Variants in MARCHF6 observed in about 807,000 individuals in gnomAD.
The protein encoded by MARCHF6 is E3 ubiquitin-protein ligase MARCHF6.
In MARCHF6, 31 loss-of-function variants were observed where a neutral mutation model predicts 133.7. That is an observed-to-expected ratio of 0.23 (90% CI 0.17 to 0.31). The LOEUF is 0.31. MARCHF6 is among the 10% of genes least tolerant of loss of function. The pLI, the probability that MARCHF6 is intolerant of heterozygous loss-of-function variation, is 1.00. For synonymous variants in MARCHF6, 395 were observed against 402.5 expected (o/e 0.98, Z 0.22); for missense variants, 723 against 1,121.6 (o/e 0.64, Z 5.08).
intron 17 of MARCHF6, among the ~76,000 whole-genome samples, chr5:10,407,705 G>A (rs1394596126): frequency 6.6e-6 from 1 of 152,138 alleles, no homozygotes; most frequent in African/African-American, 2.4e-5. Flanking sequence ...TGTAATCCCA[G>A]CACTTTGGGA....
intron 15 of MARCHF6, 102 bp downstream of exon 15, chr5:10,403,643 C>T: frequency 3.8e-6 from 4 of 1,050,292 alleles, no homozygotes; most frequent in Non-Finnish European, 5.4e-6. Context: ...CTACCTAAAT[C>T]ATATTCTCTA....
chr5:10,439,128 GGCTGT>G lies in MARCHF6; in HGVS notation c.*5447_*5451del, dbSNP rs1209645506. 1 of 152,154 alleles carries G rather than the reference GGCTGT, an allele frequency of 6.6e-6. No individual in the cohort carries two copies. The highest frequency in any genetic ancestry group is 1.5e-5 in the Non-Finnish European group (1 of 68,044). 9.4% of individuals were successfully genotyped at this position (152,154 alleles called of 1,614,324 possible). ...GTTTTTGGGATCAGTCCCTTCTGCT[GGCTGT>G]GCATTGGTCTAATGGAACAGAATAG... On this transcript the variant is annotated 3_prime_UTR_variant, in exon 26 of 26. Coordinates refer to ENST00000274140, the MANE Select transcript of MARCHF6 (RefSeq NM_005885.4).
chr5:10,400,619 G>GCT (rs1317846214), intron 10 of MARCHF6, among the ~76,000 whole-genome samples, 165 bp from the exon 11 acceptor site: 1 of 152,038 alleles, frequency 6.6e-6, no homozygotes, highest in Non-Finnish European at 1.5e-5. Context: ...TAATAGCTTT[G>GCT]TTGTTCTCTA....
At chr5:10,401,720 A>G (rs1035674374) in intron 11 of MARCHF6, 4 of 314,096 alleles carry the variant, frequency 1.3e-5, no homozygotes, top group Non-Finnish European at 2.3e-5. Context: ...TCCTGCTTTC[A>G]GTGGTTAGCC....
In MARCHF6 at chr5:10,400,848, TATAA is replaced by T; in HGVS notation, c.972+7_972+10del. The stretch of plus-strand genomic sequence containing the variant: ...GTTTGGGATTTGAAGAACACGTGAG[TATAA>T]TACTTTTACAAAGTTACTTTCATTC... On this transcript the variant is annotated splice_region_variant and intron_variant, in intron 11 of 25. Transcript: ENST00000274140. 6.3e-7 allele frequency: 1 copy of T among 1,598,104 alleles called. No homozygotes were observed. Among genetic ancestry groups the T allele is most frequent in the Non-Finnish European group, 8.6e-7 (1 of 1,165,746 alleles).
chr5:10,415,633 A>C lies in MARCHF6; in HGVS notation c.2112A>C (p.Arg704Ser), dbSNP rs775696728. ...VMVAWMPQGR[R>S]VIFQKVKEWS... ...TGGCATGGATGCCTCAGGGACGCAG[A>C]GTGATCTTCCAGAAGGTTAAAGAGT... Residue 704 changes from arginine to serine, a missense_variant, in exon 21 of 26, where the codon AGA becomes AGC. Physicochemically the swap from Arg to Ser is moderately radical, Grantham distance 110. Coordinates refer to ENST00000274140, the MANE Select transcript of MARCHF6 (RefSeq NM_005885.4). The C allele has an allele frequency of 2.2e-5, 36 of 1,613,970 alleles. No individual in the cohort carries two copies. Among genetic ancestry groups the C allele is most frequent in the Non-Finnish European group, 2.8e-5 (33 of 1,180,040 alleles).
intron 18 of MARCHF6, 134 bp from the exon 19 acceptor site, chr5:10,411,199 G>C (rs530065814): frequency 2.0e-5 from 14 of 697,274 alleles, no homozygotes; most frequent in Non-Finnish European, 3.4e-5. Flanking sequence ...CCAAAATTAG[G>C]TAATAATGTG....
chr5:10,413,975 T>C (rs1010948389), intron 19 of MARCHF6, among the ~76,000 whole-genome samples: 12 of 152,232 alleles, frequency 7.9e-5, no homozygotes, highest in Non-Finnish European at 1.6e-4. Flanking sequence ...AAAAATTTCA[T>C]TACTCATTTA....
chr5:10,365,602 A>AT (rs1386838115), intron 1 of MARCHF6, among the ~76,000 whole-genome samples: 1 of 152,062 alleles, frequency 6.6e-6, no homozygotes, highest in Non-Finnish European at 1.5e-5. Flanking sequence ...GAGAATTGGA[A>AT]TTTTTAAACT....
intron 1 of MARCHF6, among the ~76,000 whole-genome samples, chr5:10,372,525 A>AT (rs111820253): frequency 0.83 from 126,270 of 151,714 alleles, 53,733 homozygotes; most frequent in Non-Finnish European, 0.9. Flanking sequence ...CTTTAGGATT[A>AT]TTTTTTTTCC....
chr5:10,400,111 G>A (rs763754797), intron 10 of MARCHF6, among the ~76,000 whole-genome samples: 1 of 152,176 alleles, frequency 6.6e-6, no homozygotes, highest in Non-Finnish European at 1.5e-5. Context: ...ACTGGATTCA[G>A]CTGATATCAA....
intron 3 of MARCHF6, among the ~76,000 whole-genome samples, chr5:10,381,583 G>A (rs1561112845): frequency 6.6e-6 from 1 of 152,086 alleles, no homozygotes; most frequent in East Asian, 1.9e-4. Flanking sequence ...CCTGCCCAGA[G>A]GCCTTTGTTG....
At chr5:10,409,442 G>T (rs1378868198) in intron 17 of MARCHF6, among the ~76,000 whole-genome samples, 2 of 152,182 alleles carry the variant, frequency 1.3e-5, no homozygotes, top group African/African-American at 4.8e-5. Flanking sequence ...GTGGCACCCA[G>T]GTCTGTTTGA....
intron 23 of MARCHF6, 84 bp downstream of exon 23, chr5:10,423,908 TCCTAC>T (rs1342940362): frequency 1.0e-6 from 1 of 971,558 alleles, no homozygotes; most frequent in East Asian, 2.6e-5. Context: ...TTTCTTATCT[TCCTAC>T]CTTGCTGAGT....
chr5:10,364,105 T>A (rs1381974521), intron 1 of MARCHF6, among the ~76,000 whole-genome samples: 1 of 152,256 alleles, frequency 6.6e-6, no homozygotes, highest in Non-Finnish European at 1.5e-5. Context: ...TATATCTGAA[T>A]AAAATTGTTA....
chr5:10,388,710 A>G (rs976483529), intron 5 of MARCHF6, among the ~76,000 whole-genome samples: 14 of 152,134 alleles, frequency 9.2e-5, no homozygotes, highest in African/African-American at 3.4e-4. Context: ...TTTACATGGT[A>G]GTCTCAGGGC....
chr5:10,354,177 CTGCAGGCCGGCG>C (rs1429084958), intron 1 of MARCHF6, among the ~76,000 whole-genome samples: 1 of 152,034 alleles, frequency 6.6e-6, no homozygotes, highest in Admixed American at 6.5e-5. Context: ...CTCGGGGCTA[CTGCAGGCCGGCG>C]TGGCCTCCCT....
intron 4 of MARCHF6, among the ~76,000 whole-genome samples, chr5:10,385,957 C>A (rs1737441033): frequency 6.6e-6 from 1 of 151,782 alleles, no homozygotes; most frequent in Admixed American, 6.6e-5. Flanking sequence ...GATACATATT[C>A]TGTAACTTTT....
intron 1 of MARCHF6, among the ~76,000 whole-genome samples, chr5:10,365,528 G>A (rs527926998): frequency 4.6e-5 from 7 of 151,974 alleles, no homozygotes; most frequent in East Asian, 1.9e-4. Context: ...ATGAACTGCC[G>A]ACCTCAGGTG....
Sources: allele counts gnomAD v4.1 joint callset (sites outside exome capture counted in the v4.1 genomes callset), GRCh38; gene constraint gnomAD v4.1.1; transcripts MANE v1.5; gene names NCBI Gene and HGNC (gene_info 2026-07-23, HGNC 2026-07-21).